MRTFB: variants seen among roughly 807,000 people sequenced by gnomAD.
MRTFB encodes the protein myocardin related transcription factor B.
Under a neutral mutation model 104.2 loss-of-function variants are expected in MRTFB, and 29 were observed. The ratio of observed to expected loss-of-function variants is 0.28; its 90% CI spans 0.21 to 0.38. The LOEUF (loss-of-function observed/expected upper bound fraction) is 0.38. Ranked by LOEUF, MRTFB falls within the 10% of genes least tolerant of loss-of-function variation. The probability of loss-of-function intolerance (pLI) is 1.00; values close to 1 mark genes in which losing one functional copy is unlikely to be tolerated. For synonymous variants in MRTFB, 535 were observed against 519.5 expected (o/e 1.03, Z -0.41); for missense variants, 1,270 against 1,341.6 (o/e 0.95, Z 0.83).
rs1201998020 is a variant in MRTFB at position 14,266,745 on chromosome 16, G to A, written c.*5301G>A. ...GATATCTCAGCAATTTTGCATTTTT[G>A]TGTCTCAAATAAAAGACATTTTGAT... On this transcript the variant is annotated 3_prime_UTR_variant, in exon 17 of 17. Coordinates refer to ENST00000571589, the MANE Select transcript of MRTFB (RefSeq NM_001308142.2). The A allele has an allele frequency of 5.3e-5, 8 of 152,262 alleles. No individual in the cohort carries two copies. In the East Asian group the frequency reaches 1.3e-3, roughly 26 times the overall value. 9.4% of individuals were successfully genotyped at this position (152,262 alleles called of 1,614,324 possible).
At position 14,234,237 on chromosome 16, in the gene MRTFB, C is replaced by A; in HGVS notation, c.785C>A (p.Pro262His). The change falls in exon 9 of 17, where the codon CCC becomes CAC. Residue 262 changes from proline to histidine, a missense_variant. This residue lies in a region of MRTFB where 1,144 missense variants were observed against 1,131.5 expected (regional missense o/e 1.01). Transcript: ENST00000571589. The stretch of plus-strand genomic sequence containing the variant: ...CCACGGCCTGCAGCTCCTGTCCTCC[C>A]CACAAACACTGTGTCCTCAGCAAAG... The part of the protein sequence containing the change: ...PPPRPAAPVL[P>H]TNTVSSAKPG... The A allele has an allele frequency of 6.2e-7, 1 of 1,614,148 alleles. No homozygotes were observed. Among genetic ancestry groups the A allele is most frequent in the Non-Finnish European group, 8.5e-7 (1 of 1,180,014 alleles).
intron 3 of MRTFB, among the ~76,000 whole-genome samples, chr16:14,193,264 C>G (rs1009578549): frequency 4.8e-5 from 7 of 145,140 alleles, no homozygotes; most frequent in Admixed American, 6.9e-5. Flanking sequence ...AAATGTAATC[C>G]TATTCCGTTG....
chr16:14,122,057 T>G (rs1165820482), intron 2 of MRTFB, among the ~76,000 whole-genome samples: 2 of 152,156 alleles, frequency 1.3e-5, no homozygotes, highest in Admixed American at 1.3e-4. Flanking sequence ...ACCTCCTGTC[T>G]CTGTTTCTTT....
chr16:14,016,290 A>C, the MRTFB span, among the ~76,000 whole-genome samples: 3 of 152,046 alleles, frequency 2.0e-5, no homozygotes, highest in Non-Finnish European at 2.9e-5. Flanking sequence ...TAACACCTAG[A>C]AGACCCTGGA....
chr16:14,128,120 T>C (rs1184288018), intron 2 of MRTFB, among the ~76,000 whole-genome samples: 2 of 151,814 alleles, frequency 1.3e-5, no homozygotes, highest in Non-Finnish European at 1.5e-5. Flanking sequence ...ACCACCTCCC[T>C]GAAGATAAGG....
chr16:14,196,008 C>T (rs1418467919), intron 3 of MRTFB, among the ~76,000 whole-genome samples: 1 of 152,176 alleles, frequency 6.6e-6, no homozygotes, highest in Non-Finnish European at 1.5e-5. Context: ...GTACATCTGT[C>T]GCAGGCTAAT....
At chr16:14,194,100 A>G (rs886457635) in intron 3 of MRTFB, among the ~76,000 whole-genome samples, 1 of 152,240 alleles carries the variant, frequency 6.6e-6, no homozygotes, top group African/African-American at 2.4e-5. Flanking sequence ...GTTGTTTCCT[A>G]AAGATAGCTT....
At chr16:14,033,854 A>G in the MRTFB span, among the ~76,000 whole-genome samples, 1 of 142,790 alleles carries the variant, frequency 7.0e-6, no homozygotes, top group Non-Finnish European at 1.6e-5. Flanking sequence ...AAAAAAAAAA[A>G]GAAGAAGAAG....
intron 2 of MRTFB, among the ~76,000 whole-genome samples, chr16:14,122,444 C>T (rs930592819): frequency 6.6e-6 from 1 of 152,102 alleles, no homozygotes; most frequent in African/African-American, 2.4e-5. Context: ...AGCCCCCTAC[C>T]CTGCAACAGG....
intron 2 of MRTFB, among the ~76,000 whole-genome samples, chr16:14,128,789 A>G (rs1484382342): frequency 6.6e-6 from 1 of 152,246 alleles, no homozygotes; most frequent in East Asian, 1.9e-4. Flanking sequence ...ATAATCTTGT[A>G]CAGTATCATT....
intron 3 of MRTFB, chr16:14,186,624 C>A: frequency 9.4e-7 from 1 of 1,060,850 alleles, no homozygotes; most frequent in Non-Finnish European, 1.2e-6. Context: ...GGAAAGGGGG[C>A]TGGCTGGGAA....
In MRTFB at chr16:14,246,454, G is replaced by A. The variant is rs374850055; in HGVS notation, c.1213-19G>A. 6.2e-7 allele frequency: 1 copy of A among 1,610,274 alleles called. No homozygotes were observed. The highest frequency in any genetic ancestry group is 8.5e-7 in the Non-Finnish European group (1 of 1,177,478). ...AGAAAGCTCTAATACTAAGATATCT[G>A]CTTTGTTTGTACCTCCAGGTATCAG... On this transcript the variant is annotated intron_variant, in intron 11 of 16. Coordinates refer to ENST00000571589, the MANE Select transcript of MRTFB (RefSeq NM_001308142.2).
chr16:14,124,865 T>G (rs1379529972), intron 2 of MRTFB, among the ~76,000 whole-genome samples: 1 of 152,242 alleles, frequency 6.6e-6, no homozygotes, highest in African/African-American at 2.4e-5. Flanking sequence ...ACCCTACTGA[T>G]GGGTAGTAGG....
intron 8 of MRTFB, among the ~76,000 whole-genome samples, chr16:14,222,345 T>C (rs865913252): frequency 1.3e-5 from 2 of 152,336 alleles, no homozygotes; most frequent in Middle Eastern, 3.4e-3. Context: ...ACAGGCTGCA[T>C]GCGGCCCAGG....
At chr16:14,026,527 G>A in the MRTFB span, among the ~76,000 whole-genome samples, 8 of 152,154 alleles carry the variant, frequency 5.3e-5, no homozygotes, top group African/African-American at 1.9e-4. Context: ...AGCACAATCC[G>A]TAAAGAAAAA....
chr16:13,997,725 G>A, the MRTFB span, among the ~76,000 whole-genome samples: 4 of 150,692 alleles, frequency 2.7e-5, no homozygotes, highest in East Asian at 1.9e-4. Context: ...CCCAGGAGGC[G>A]GAGGTTGCAG....
At chr16:14,160,876 G>A (rs1309547296) in intron 3 of MRTFB, among the ~76,000 whole-genome samples, 2 of 151,708 alleles carry the variant, frequency 1.3e-5, no homozygotes, top group East Asian at 3.9e-4. Flanking sequence ...TAATTTTTTA[G>A]TACTTTCCTA....
the MRTFB span, among the ~76,000 whole-genome samples, chr16:14,017,709 A>ATT: frequency 1.9e-4 from 3 of 15,924 alleles, no homozygotes; most frequent in Non-Finnish European, 3.8e-4. Flanking sequence ...ATATATATAT[A>ATT]TATTTTTTTT....
chr16:14,017,442 T>A, the MRTFB span, among the ~76,000 whole-genome samples: 1 of 151,146 alleles, frequency 6.6e-6, no homozygotes, highest in East Asian at 1.9e-4. Context: ...GAAACAGAGT[T>A]GTGATTTTAT....
Sources: allele counts gnomAD v4.1 joint callset (sites outside exome capture counted in the v4.1 genomes callset), GRCh38; gene constraint gnomAD v4.1.1; regional missense constraint gnomAD v4.1.1; transcripts MANE v1.5; gene names NCBI Gene and HGNC (gene_info 2026-07-23, HGNC 2026-07-21).